Variants in ASTN2 observed in about 807,000 individuals in gnomAD.
The protein encoded by ASTN2 is astrotactin 2, also known as astrotactin-2.
Under a neutral mutation model 139.8 loss-of-function variants are expected in ASTN2, and 54 were observed. That is an observed-to-expected ratio of 0.39 (90% CI 0.31 to 0.48). The LOEUF is 0.48. Ranked by LOEUF, ASTN2 falls within the 20% of genes least tolerant of loss-of-function variation. ASTN2 has a pLI of 0.95. For missense variants in ASTN2, 1,565 were observed against 1,725.1 expected, an observed-to-expected ratio of 0.91 and a Z score of 1.64; for synonymous variants, 756 against 719.5, an observed-to-expected ratio of 1.05 and a Z score of -0.81.
At chr9:116,877,928 A>G (rs559228874) in intron 10 of ASTN2, among the ~76,000 whole-genome samples, 14 of 152,372 alleles carry the variant, frequency 9.2e-5, no homozygotes, top group African/African-American at 3.1e-4. Context: ...AAAAGAAGAC[A>G]TTCATGTGGC....
chr9:117,197,366 C>T (rs1396032806), intron 3 of ASTN2: 1 of 152,130 alleles, frequency 6.6e-6, no homozygotes. Context: ...AGATAATGGT[C>T]AACAATAGAG....
Position 116,799,278 on chromosome 9 carries a change from T to G in ASTN2, c.2396+6354A>C. On this transcript the variant is annotated intron_variant, in intron 13 of 22. Coordinates refer to ENST00000313400, the MANE Select transcript of ASTN2 (RefSeq NM_001365068.1). ...ACAAACACCAGCTTTCCTTGAATCCTTATAGAAAGCCCTTCAGTCTTGCCA... is the reference window on the plus strand; with the variant it reads ...ACAAACACCAGCTTTCCTTGAATCCGTATAGAAAGCCCTTCAGTCTTGCCA... Among the ~76,000 whole-genome samples the G allele has an allele frequency of 1.3e-5, 2 of 152,154 alleles. 1 individual carries two copies.
intron 13 of ASTN2, among the ~76,000 whole-genome samples, chr9:116,751,522 G>A (rs1404642388): frequency 6.6e-6 from 1 of 151,840 alleles, no homozygotes; most frequent in Admixed American, 6.6e-5. Flanking sequence ...TATACTGTGT[G>A]CTCCATAAAT....
At chr9:116,790,725 G>T (rs1830506303) in intron 13 of ASTN2, among the ~76,000 whole-genome samples, 1 of 149,626 alleles carries the variant, frequency 6.7e-6, no homozygotes, top group African/African-American at 2.5e-5. Flanking sequence ...ACCCAGGCTG[G>T]AGTGCAGTGG....
At chr9:116,719,114 G>GCCTGAGAA (rs1828405475) in intron 16 of ASTN2, among the ~76,000 whole-genome samples, 1 of 151,532 alleles carries the variant, frequency 6.6e-6, no homozygotes, top group Non-Finnish European at 1.5e-5. Flanking sequence ...CAGGGTAGAT[G>GCCTGAGAA]CAGGCTGACC....
intron 1 of ASTN2, among the ~76,000 whole-genome samples, chr9:117,370,033 G>T (rs569964202): frequency 6.7e-6 from 1 of 149,018 alleles, no homozygotes; most frequent in South Asian, 2.1e-4. Context: ...CTAAGTCCAG[G>T]TATATTACCC....
chr9:117,071,442 C>T (rs1487944658), intron 5 of ASTN2, among the ~76,000 whole-genome samples: 1 of 151,318 alleles, frequency 6.6e-6, no homozygotes, highest in Non-Finnish European at 1.5e-5. Flanking sequence ...TTTAAGTCTG[C>T]AGAGGTTACT....
intron 12 of ASTN2, among the ~76,000 whole-genome samples, chr9:116,813,838 C>A (rs1395503539): frequency 6.6e-6 from 1 of 151,956 alleles, no homozygotes; most frequent in Non-Finnish European, 1.5e-5. Context: ...AGTTCAAGAC[C>A]AGCCTGGTCA....
chr9:117,099,907 G>A (rs1587962671), intron 4 of ASTN2, among the ~76,000 whole-genome samples: 1 of 152,182 alleles, frequency 6.6e-6, no homozygotes, highest in African/African-American at 2.4e-5. Flanking sequence ...GTAGTAAGTG[G>A]GAGAAATGGG....
At position 116,975,242 on chromosome 9, in the gene ASTN2, C is replaced by T. The variant is rs1268297670; in HGVS notation, c.1855G>A (p.Asp619Asn). The T allele has an allele frequency of 6.8e-6, 11 of 1,613,020 alleles. No individual in the cohort carries two copies. The highest frequency in any genetic ancestry group is 1.3e-5 in the African/African-American group (1 of 74,884). Residue 619 changes from aspartate (D) to asparagine (N), a missense_variant, in exon 10 of 23, where the codon GAT (aspartate) becomes AAT (asparagine). Asp to Asn is a conservative substitution (Grantham distance 23). Coordinates refer to ENST00000313400, the MANE Select transcript of ASTN2 (RefSeq NM_001365068.1). ...GCAGGGTCTTCCGTGACGAGCACAT[C>T]GGTCTTGCAGCTGGCCAGGGGGTTG... ...SINPLASCKTDVLVTEDPADV... is the reference protein window; with the variant it reads ...SINPLASCKTNVLVTEDPADV...
intron 6 of ASTN2, among the ~76,000 whole-genome samples, chr9:117,014,521 T>C (rs1033435151): frequency 6.6e-6 from 1 of 152,140 alleles, no homozygotes; most frequent in Admixed American, 6.6e-5. Flanking sequence ...CACTCCCAGC[T>C]CTTTCCTCTG....
In ASTN2 at chr9:116,682,366, G is replaced by T. The variant is rs572031104; in HGVS notation, c.2807-30573C>A. On this transcript the variant is annotated intron_variant, in intron 16 of 22. Transcript: ENST00000313400. ...AGTTAGAATGGCAATCATTAAAAAG[G>T]CAGGAAACAACAAGTGCTGGAGAGG... is the stretch of plus-strand genomic sequence containing the variant. 2.6e-3 allele frequency among the ~76,000 whole-genome samples: 389 copies of T among 152,198 alleles called. 1 individual carries two copies. Among genetic ancestry groups the T allele is most frequent in the African/African-American group, 8.7e-3 (363 of 41,520 alleles).
At chr9:116,669,757 A>C (rs1417934728) in intron 16 of ASTN2, among the ~76,000 whole-genome samples, 2 of 151,758 alleles carry the variant, frequency 1.3e-5, no homozygotes, top group Non-Finnish European at 2.9e-5. Context: ...CATAGAGCAG[A>C]AGTTTTTCAT....
At chr9:116,765,775 C>T (rs1829790952) in intron 13 of ASTN2, among the ~76,000 whole-genome samples, 1 of 152,118 alleles carries the variant, frequency 6.6e-6, no homozygotes, top group Non-Finnish European at 1.5e-5. Context: ...ACCATCCTTA[C>T]ATGTTTCTGT....
intron 19 of ASTN2, among the ~76,000 whole-genome samples, chr9:116,508,837 C>T (rs946337032): frequency 3.9e-5 from 6 of 151,984 alleles, no homozygotes; most frequent in African/African-American, 1.5e-4. Flanking sequence ...AAAGTGTTTC[C>T]ATTGAAGGAA....
At position 116,905,852 on chromosome 9, in the gene ASTN2, GTTTT is replaced by G. The variant is rs1164737372; in HGVS notation, c.1890-42123_1890-42120del. ...GGAAGCACAGCAGTAAGTGATCCCT[GTTTT>G]TTTTTTTTTTGGGGGGGGGTGCGGG... On this transcript the variant is annotated intron_variant, in intron 10 of 22. Transcript: ENST00000313400. Among the ~76,000 whole-genome samples, 26 of 47,302 alleles carry G rather than the reference GTTTT, an allele frequency of 5.5e-4. No homozygotes were observed. The East Asian group carries it at 0.024, about 44-fold the overall frequency. 31.0% of individuals were successfully genotyped at this position (47,302 alleles called of 152,430 possible).
intron 5 of ASTN2, among the ~76,000 whole-genome samples, chr9:117,078,973 C>T (rs531924147): frequency 1.9e-4 from 29 of 151,996 alleles, no homozygotes; most frequent in Admixed American, 5.9e-4. Context: ...TGACCTCAGG[C>T]GATCTGCCTG....
chr9:116,862,984 C>T lies in ASTN2; in HGVS notation c.2040+599G>A, dbSNP rs146966714. Among the ~76,000 whole-genome samples, 4 of 152,264 alleles carry T rather than the reference C, an allele frequency of 2.6e-5. No homozygotes were observed. The East Asian group carries it at 7.7e-4, about 29-fold the overall frequency. On this transcript the variant is annotated intron_variant, in intron 11 of 22. Coordinates refer to ENST00000313400, the MANE Select transcript of ASTN2 (RefSeq NM_001365068.1). ...TTCTAAAGCAACAGGAACCCTCCCG[C>T]ATCTTCTTGTGTGACCTTGTCCCAC...
intron 16 of ASTN2, among the ~76,000 whole-genome samples, chr9:116,710,783 G>GT (rs972887183): frequency 2.7e-5 from 4 of 147,948 alleles, no homozygotes; most frequent in African/African-American, 9.9e-5. Context: ...AGAAAATTTT[G>GT]TAAGTTCTGA....
Sources: gnomAD v4.1 joint callset for allele counts (sites outside exome capture counted in the v4.1 genomes callset) on GRCh38, gnomAD v4.1.1 for gene constraint, MANE v1.5 for transcripts, NCBI Gene and HGNC (gene_info 2026-07-23, HGNC 2026-07-21) for gene names.